The following HFM1 variants were observed in gnomAD, a reference collection of about 807,000 sequenced individuals.
The protein encoded by HFM1 is helicase for meiosis 1.
A neutral mutation model predicts 192.1 loss-of-function variants in HFM1; 169 were observed. That is an observed-to-expected ratio of 0.88 (90% CI 0.78 to 1.00). The LOEUF (loss-of-function observed/expected upper bound fraction) is 1.00, where lower values mean the gene tolerates loss of function less well. HFM1 is among the 50% of genes least tolerant of loss of function. HFM1 has a pLI of 0.00. For synonymous variants in HFM1, 525 were observed against 537.8 expected (o/e 0.98, Z 0.33); for missense variants, 1,661 against 1,668.0 (o/e 1.00, Z 0.07).
intron 20 of HFM1, among the ~76,000 whole-genome samples, chr1:91,328,117 G>C (rs1438506514): frequency 6.6e-6 from 1 of 152,074 alleles, no homozygotes; most frequent in East Asian, 1.9e-4. Flanking sequence ...AATAATAAAT[G>C]TCAGAGCAGA....
At chr1:91,321,053 T>C (rs534078271) in intron 23 of HFM1, among the ~76,000 whole-genome samples, 1 of 152,232 alleles carries the variant, frequency 6.6e-6, no homozygotes, top group African/African-American at 2.4e-5. Flanking sequence ...ACCCTGTCAG[T>C]TCACTGAAAA....
At chr1:91,341,570 T>C (rs1399987723) in intron 20 of HFM1, among the ~76,000 whole-genome samples, 1 of 151,936 alleles carries the variant, frequency 6.6e-6, no homozygotes, top group Non-Finnish European at 1.5e-5. Flanking sequence ...GGCAGAGGAA[T>C]AGAAATAACC....
chr1:91,320,077 T>TA lies in HFM1; in HGVS notation c.2583-688dup, dbSNP rs1387447656. On this transcript the variant is annotated intron_variant, in intron 23 of 38. Coordinates refer to ENST00000370425, the MANE Select transcript of HFM1 (RefSeq NM_001017975.6). ...ATAAACTTACCTAATCAGGCATTGATATGCAAATCACTGATGGTTCTAACT... is the reference window on the plus strand; with the variant it reads ...ATAAACTTACCTAATCAGGCATTGATAATGCAAATCACTGATGGTTCTAACT... Among the ~76,000 whole-genome samples the TA allele has an allele frequency of 1.8e-4, 27 of 152,318 alleles. No homozygotes were observed. In the East Asian group the frequency reaches 3.9e-3, roughly 22 times the overall value.
intron 4 of HFM1, among the ~76,000 whole-genome samples, chr1:91,391,164 T>C (rs1300976506): frequency 6.6e-6 from 1 of 152,172 alleles, no homozygotes; most frequent in Admixed American, 6.5e-5. Flanking sequence ...ATTGTGAAAA[T>C]GGCCATACTG....
At chr1:91,344,751 TTG>T (rs1655899926) in intron 19 of HFM1, among the ~76,000 whole-genome samples, 2 of 1,614 alleles carry the variant, frequency 1.2e-3, no homozygotes, top group African/African-American at 3.8e-3. Context: ...TTTTCTTTTC[TTG>T]TTTTTTTTTT....
intron 30 of HFM1, among the ~76,000 whole-genome samples, chr1:91,278,432 G>A (rs1667155859): frequency 6.6e-6 from 1 of 152,054 alleles, no homozygotes; most frequent in African/African-American, 2.4e-5. Context: ...TGAGACAAAG[G>A]GAAGATATTC....
At chr1:91,330,559 T>G (rs1653672818) in intron 20 of HFM1, among the ~76,000 whole-genome samples, 1 of 152,162 alleles carries the variant, frequency 6.6e-6, no homozygotes, top group Non-Finnish European at 1.5e-5. Context: ...CACTGCTGAA[T>G]TCTACCAAAC....
intron 4 of HFM1, among the ~76,000 whole-genome samples, chr1:91,393,678 A>G (rs1663279165): frequency 6.6e-6 from 1 of 152,150 alleles, no homozygotes. Context: ...GTGGACCTTC[A>G]TATTTTAACT....
intron 33 of HFM1, among the ~76,000 whole-genome samples, chr1:91,274,204 T>A (rs1666588870): frequency 6.6e-6 from 1 of 151,964 alleles, no homozygotes; most frequent in South Asian, 2.1e-4. Flanking sequence ...AGTTACCACC[T>A]AAGGCCTTCT....
rs140021152 is a variant in HFM1, at chr1:91,324,142, A to G, written c.2427+533T>C. 4.4e-3 allele frequency among the ~76,000 whole-genome samples: 677 copies of G among 152,316 alleles called. 4 individuals carry two copies. The highest frequency in any genetic ancestry group is 0.013 in the South Asian group (64 of 4,828). ...GTTGCCCCATTGTTGATATTTTAGCATAACCTGTTATTATTCCCATTTTTT... is the reference window on the plus strand; with the variant it reads ...GTTGCCCCATTGTTGATATTTTAGCGTAACCTGTTATTATTCCCATTTTTT... On this transcript the variant is annotated intron_variant, in intron 21 of 38. Transcript: ENST00000370425.
intron 35 of HFM1, among the ~76,000 whole-genome samples, chr1:91,266,637 A>G (rs1665792753): frequency 6.6e-6 from 1 of 152,230 alleles, no homozygotes; most frequent in Non-Finnish European, 1.5e-5. Flanking sequence ...ATAATCATTT[A>G]AAGTGCTCTA....
intron 30 of HFM1, among the ~76,000 whole-genome samples, chr1:91,282,036 T>C (rs1038848129): frequency 6.6e-6 from 1 of 152,256 alleles, no homozygotes; most frequent in African/African-American, 2.4e-5. Flanking sequence ...ATTAGCTTTA[T>C]TTGTAGACCT....
intron 4 of HFM1, among the ~76,000 whole-genome samples, chr1:91,388,536 T>A (rs282022): frequency 1 from 152,149 of 152,328 alleles, 75,985 homozygotes; most frequent in South Asian, 1. Context: ...GGCTGGAACA[T>A]CTGAATATCT....
chr1:91,380,780 G>T, intron 7 of HFM1, 132 bp downstream of exon 7: 1 of 578,758 alleles, frequency 1.7e-6, no homozygotes, highest in Non-Finnish European at 3.1e-6. Flanking sequence ...AATATTTTCT[G>T]AGCTCCTAAA....
At chr1:91,301,223 C>T (rs1031060964) in intron 30 of HFM1, among the ~76,000 whole-genome samples, 3 of 151,250 alleles carry the variant, frequency 2.0e-5, no homozygotes, top group African/African-American at 7.3e-5. Context: ...ATCCAACTTA[C>T]AAGGGATGTG....
chr1:91,273,225 G>A (rs1023985421), intron 34 of HFM1, among the ~76,000 whole-genome samples: 1 of 151,912 alleles, frequency 6.6e-6, no homozygotes, highest in African/African-American at 2.4e-5. Flanking sequence ...AGAATCATAG[G>A]TTTAAGAATT....
intron 33 of HFM1, among the ~76,000 whole-genome samples, chr1:91,274,505 G>A (rs1666618336): frequency 6.6e-6 from 1 of 151,964 alleles, no homozygotes; most frequent in African/African-American, 2.4e-5. Context: ...GTTTCCTAGG[G>A]AAGAGATGAT....
chr1:91,325,366 C>T (rs1017417446), intron 20 of HFM1, among the ~76,000 whole-genome samples: 4 of 152,220 alleles, frequency 2.6e-5, no homozygotes, highest in Non-Finnish European at 4.4e-5. Context: ...AGGCCCAGTG[C>T]TGTGCTGGCT....
In HFM1 at chr1:91,375,523, A is replaced by G. The variant is rs550226184; in HGVS notation, c.1596+4T>C. The G allele has an allele frequency of 1.7e-5, 28 of 1,612,396 alleles. No homozygotes were observed. In the South Asian group the frequency reaches 3.0e-4, roughly 17 times the overall value. On this transcript the variant is annotated splice_donor_region_variant and intron_variant, in intron 12 of 38. Coordinates refer to ENST00000370425, the MANE Select transcript of HFM1 (RefSeq NM_001017975.6). ...CTAAAAAATAAGCTATCAACAATCC[A>G]TACCACAAGTGTGGGTTTCTGATCA...
Sources: gnomAD v4.1 joint callset for allele counts (sites outside exome capture counted in the v4.1 genomes callset) on GRCh38, gnomAD v4.1.1 for gene constraint, MANE v1.5 for transcripts, NCBI Gene and HGNC (gene_info 2026-07-23, HGNC 2026-07-21) for gene names.